LUZP2: variants seen among roughly 807,000 people sequenced by gnomAD.
The protein encoded by LUZP2 is leucine zipper protein 2.
LUZP2 carries 52 observed loss-of-function variants against 51.6 expected under a neutral mutation model. That is an observed-to-expected ratio of 1.01 (90% CI 0.81 to 1.27). The LOEUF (loss-of-function observed/expected upper bound fraction) is 1.27. LUZP2 is among the 50% of genes most tolerant of loss of function. The pLI is 0.00. For missense variants in LUZP2, 436 were observed against 395.4 expected (o/e 1.10, Z -0.87); for synonymous variants, 154 against 137.3 (o/e 1.12, Z -0.85).
intron 5 of LUZP2, among the ~76,000 whole-genome samples, chr11:24,817,351 T>C (rs1850218035): frequency 6.6e-6 from 1 of 152,078 alleles, no homozygotes; most frequent in South Asian, 2.1e-4. Flanking sequence ...CTCTTGAAAC[T>C]TATACAAAAA....
At chr11:24,525,222 T>C (rs1274629935) in intron 1 of LUZP2, among the ~76,000 whole-genome samples, 2 of 151,656 alleles carry the variant, frequency 1.3e-5, no homozygotes, top group Non-Finnish European at 3.0e-5. Context: ...TCCCTATATT[T>C]ATTTTTTAAA....
At chr11:24,983,569 A>C (rs12363995) in intron 9 of LUZP2, among the ~76,000 whole-genome samples, 58,828 of 151,480 alleles carry the variant, frequency 0.39, 13,704 homozygotes, top group East Asian at 0.68. Context: ...TGTTGGAATA[A>C]GTTAAAAGAG....
intron 7 of LUZP2, among the ~76,000 whole-genome samples, chr11:24,942,351 G>C (rs1166046190): frequency 1.3e-5 from 2 of 152,048 alleles, no homozygotes; most frequent in African/African-American, 4.8e-5. Flanking sequence ...CACATGTCCT[G>C]CTTTCCTGGC....
At chr11:24,810,839 C>G (rs957811613) in intron 5 of LUZP2, among the ~76,000 whole-genome samples, 1 of 152,058 alleles carries the variant, frequency 6.6e-6, no homozygotes, top group Non-Finnish European at 1.5e-5. Context: ...GAAGAGGTAC[C>G]AAGTGTTGCT....
chr11:24,738,143 C>T, intron 3 of LUZP2, 78 bp from the exon 4 acceptor site: 2 of 1,009,262 alleles, frequency 2.0e-6, no homozygotes, highest in East Asian at 2.5e-5. Context: ...CAGCAAAGCT[C>T]CTTCCTTTTA....
intron 1 of LUZP2, among the ~76,000 whole-genome samples, chr11:24,688,543 C>A (rs931789431): frequency 4.6e-5 from 7 of 150,848 alleles, no homozygotes; most frequent in African/African-American, 1.5e-4. Flanking sequence ...TCATAAATAT[C>A]ATGATAAGCA....
At chr11:24,929,046 G>T (rs1854365588) in intron 7 of LUZP2, among the ~76,000 whole-genome samples, 1 of 151,920 alleles carries the variant, frequency 6.6e-6, no homozygotes, top group African/African-American at 2.4e-5. Context: ...TTGAATGAAT[G>T]ATCTTTTGTA....
At chr11:24,998,019 G>A (rs1217392416) in intron 9 of LUZP2, among the ~76,000 whole-genome samples, 1 of 152,148 alleles carries the variant, frequency 6.6e-6, no homozygotes, top group Non-Finnish European at 1.5e-5. Flanking sequence ...TTGGGTTACT[G>A]TAGCCTTGTA....
At chr11:25,006,602 G>A (rs1290116245) in intron 9 of LUZP2, among the ~76,000 whole-genome samples, 1 of 152,154 alleles carries the variant, frequency 6.6e-6, no homozygotes, top group Non-Finnish European at 1.5e-5. Flanking sequence ...TGGCCAACAT[G>A]TGCCCGGTAT....
chr11:24,963,301 G>C (rs553427291), intron 7 of LUZP2, among the ~76,000 whole-genome samples: 1 of 152,182 alleles, frequency 6.6e-6, no homozygotes, highest in South Asian at 2.1e-4. Flanking sequence ...AAAGCTGTCA[G>C]ACAGGGACAT....
intron 4 of LUZP2, 56 bp from the exon 5 acceptor site, chr11:24,763,190 G>T: frequency 1.3e-6 from 1 of 768,318 alleles, no homozygotes; most frequent in East Asian, 3.0e-5. Flanking sequence ...AAAAAATAAT[G>T]AAAGCCATGG....
intron 5 of LUZP2, among the ~76,000 whole-genome samples, chr11:24,763,574 A>T (rs1860066060): frequency 6.6e-6 from 1 of 152,124 alleles, no homozygotes; most frequent in African/African-American, 2.4e-5. Context: ...ATTAAAAATC[A>T]ATTTTCATTT....
At chr11:24,996,057 G>A (rs2133933712) in intron 9 of LUZP2, among the ~76,000 whole-genome samples, 1 of 149,796 alleles carries the variant, frequency 6.7e-6, no homozygotes, top group African/African-American at 2.4e-5. Context: ...CTTTGTTATT[G>A]GTTTCCTCTG....
At chr11:24,851,363 T>C (rs995471214) in intron 5 of LUZP2, among the ~76,000 whole-genome samples, 5 of 152,222 alleles carry the variant, frequency 3.3e-5, no homozygotes, top group Admixed American at 1.3e-4. Context: ...GAGATAATCA[T>C]GTGGTTTCTG....
intron 1 of LUZP2, among the ~76,000 whole-genome samples, chr11:24,620,199 C>T (rs1854446356): frequency 6.6e-6 from 1 of 152,090 alleles, no homozygotes; most frequent in African/African-American, 2.4e-5. Context: ...ATGAGAATTT[C>T]ATTCCATTAT....
intron 5 of LUZP2, among the ~76,000 whole-genome samples, chr11:24,782,493 T>A (rs1849123155): frequency 6.6e-6 from 1 of 152,022 alleles, no homozygotes. Context: ...TTTAATTTTA[T>A]AACCACAGAA....
At chr11:24,871,441 A>C (rs1852068651) in intron 5 of LUZP2, among the ~76,000 whole-genome samples, 1 of 152,036 alleles carries the variant, frequency 6.6e-6, no homozygotes, top group Non-Finnish European at 1.5e-5. Flanking sequence ...TATTTACCTG[A>C]TTCCAGAAAT....
intron 5 of LUZP2, among the ~76,000 whole-genome samples, chr11:24,898,709 G>A (rs1334211270): frequency 2.0e-5 from 3 of 151,874 alleles, no homozygotes; most frequent in Admixed American, 6.6e-5. Flanking sequence ...AATTTCTTGT[G>A]TAAAAAATAA....
At chr11:24,781,094 C>T (rs1199081332) in intron 5 of LUZP2, among the ~76,000 whole-genome samples, 2 of 152,104 alleles carry the variant, frequency 1.3e-5, no homozygotes, top group Non-Finnish European at 2.9e-5. Flanking sequence ...TTACTATGTT[C>T]AATCTTTATC....
Sources: allele counts gnomAD v4.1 joint callset (sites outside exome capture counted in the v4.1 genomes callset), GRCh38; gene constraint gnomAD v4.1.1; transcripts MANE v1.5; gene names NCBI Gene and HGNC (gene_info 2026-07-23, HGNC 2026-07-21).